Variants in ESYT1 observed in about 807,000 individuals in gnomAD.
ESYT1 encodes the protein extended synaptotagmin-1.
Under a neutral mutation model 154.2 loss-of-function variants are expected in ESYT1, and 116 were observed. That is an observed-to-expected ratio of 0.75 (90% CI 0.65 to 0.88). The LOEUF is 0.88. Ranked by LOEUF, ESYT1 falls within the 40% of genes least tolerant of loss-of-function variation. The pLI is 0.00. For synonymous variants in ESYT1, 500 were observed against 539.9 expected (o/e 0.93, Z 1.02); for missense variants, 1,264 against 1,379.3 (o/e 0.92, Z 1.32).
chr12:56,133,984 A>G, intron 13 of ESYT1, 111 bp downstream of exon 13: 1 of 1,527,766 alleles, frequency 6.5e-7, no homozygotes, highest in Non-Finnish European at 9.1e-7. Context: ...AGCATGTAAC[A>G]TAAGGGTCCC....
chr12:56,135,437 G>A (rs951691260), intron 15 of ESYT1, among the ~76,000 whole-genome samples: 20 of 151,472 alleles, frequency 1.3e-4, no homozygotes, highest in African/African-American at 4.6e-4. Context: ...CTCCCAAAGT[G>A]CTTGGATTAC....
chr12:56,136,705 C>T, intron 15 of ESYT1, 39 bp from the exon 16 acceptor site: 1 of 1,543,194 alleles, frequency 6.5e-7, no homozygotes, highest in Non-Finnish European at 8.8e-7. Context: ...TCCCTTTCCC[C>T]TAATCCCTTC....
At position 56,137,897 on chromosome 12, in the gene ESYT1, G is replaced by C; in HGVS notation, c.2181G>C (p.Lys727Asn). The part of the protein sequence containing the change: ...EVEVFDKDLD[K>N]DDFLGRCKVR... The stretch of plus-strand genomic sequence containing the variant: ...AAGTCTTTGACAAGGACTTGGACAA[G>C]GATGATTTTCTGGGCAGGTGAGAGC... The change falls in exon 19 of 31, where the codon AAG becomes AAC. Residue 727 changes from lysine (K) to asparagine (N), a missense_variant. Physicochemically the swap from Lys to Asn is moderately conservative, Grantham distance 94. Transcript: ENST00000394048. 6.2e-7 allele frequency: 1 copy of C among 1,614,222 alleles called. No individual in the cohort carries two copies. Among genetic ancestry groups the C allele is most frequent in the Non-Finnish European group, 8.5e-7 (1 of 1,180,044 alleles).
At position 56,131,035 on chromosome 12, in the gene ESYT1, C is replaced by T. The variant is rs556104750; in HGVS notation, c.568-5C>T. Reference sequence around the variant, plus strand: ...GCCCTCTCTCAGGAATTTCTCTCTCCCTAGCCATTGCGCATCATTGGAGTC... The same window carrying T: ...GCCCTCTCTCAGGAATTTCTCTCTCTCTAGCCATTGCGCATCATTGGAGTC... On this transcript the variant is annotated splice_polypyrimidine_tract_variant and splice_region_variant and intron_variant, in intron 3 of 30. Coordinates refer to ENST00000394048, the MANE Select transcript of ESYT1 (RefSeq NM_015292.3). 75 of 1,614,018 alleles carry T rather than the reference C, an allele frequency of 4.6e-5. No homozygotes were observed. The highest frequency in any genetic ancestry group is 9.9e-5 in the South Asian group (9 of 91,088).
At position 56,131,052 on chromosome 12, in the gene ESYT1, A is replaced by G. The variant is rs1369123779; in HGVS notation, c.580A>G (p.Ile194Val). 1 of 1,614,132 alleles carries G rather than the reference A, an allele frequency of 6.2e-7. No individual in the cohort carries two copies. The highest frequency in any genetic ancestry group is 2.2e-5 in the East Asian group (1 of 44,880). The stretch of plus-strand genomic sequence containing the variant: ...TCTCTCTCCCTAGCCATTGCGCATC[A>G]TTGGAGTCAAGGTTCACCCAGGTCA... ...VELGEKPLRI[I>V]GVKVHPGQRK... The change falls in exon 4 of 31, where the codon ATT becomes GTT. Residue 194 changes from isoleucine to valine, a missense_variant. By Grantham distance (29) the Ile-to-Val change is conservative. Transcript: ENST00000394048.
chr12:56,137,837 C>G lies in ESYT1; in HGVS notation c.2121C>G (p.Ile707Met), dbSNP rs35807059. The G allele has an allele frequency of 6.2e-7, 1 of 1,614,080 alleles. No individual in the cohort carries two copies. Among genetic ancestry groups the G allele is most frequent in the African/African-American group, 1.3e-5 (1 of 75,008 alleles). The stretch of plus-strand genomic sequence containing the variant: ...GCACTATTTTCTCCCACTAGGTGAT[C>G]GTCACATCAGTTCCAGGCCAAGAGC... ...NPRWNEVFEV[I>M]VTSVPGQELE... The change falls in exon 19 of 31, where the codon ATC (isoleucine) becomes ATG (methionine). Residue 707 changes from isoleucine (I) to methionine (M), a missense_variant. Transcript: ENST00000394048.
chr12:56,135,199 G>C (rs569824449), intron 15 of ESYT1, among the ~76,000 whole-genome samples: 1 of 148,740 alleles, frequency 6.7e-6, no homozygotes, highest in African/African-American at 2.5e-5. Context: ...AGACAGTTTC[G>C]CTTTTGTTGC....
intron 1 of ESYT1, among the ~76,000 whole-genome samples, chr12:56,129,893 G>A (rs1870160602): frequency 6.6e-6 from 1 of 151,808 alleles, no homozygotes; most frequent in Non-Finnish European, 1.5e-5. Context: ...CGTCTGAGGG[G>A]AGTTGAGAAG....
chr12:56,130,673 G>C lies in ESYT1; in HGVS notation c.432+50G>C, dbSNP rs1389526975. On this transcript the variant is annotated intron_variant, in intron 2 of 30. Coordinates refer to ENST00000394048, the MANE Select transcript of ESYT1 (RefSeq NM_015292.3). Reference sequence around the variant, plus strand: ...CTTCATGAGGGGAGAATGGGAATTTGTTTCTTCTTGCCAGACCCATCCTCA... The same window carrying C: ...CTTCATGAGGGGAGAATGGGAATTTCTTTCTTCTTGCCAGACCCATCCTCA... 3 of 1,613,754 alleles carry C rather than the reference G, an allele frequency of 1.9e-6. No homozygotes were observed. The Admixed American group carries it at 5.0e-5, about 27-fold the overall frequency.
At chr12:56,138,686 C>A in intron 22 of ESYT1, 82 bp from the exon 23 acceptor site, 2 of 1,421,406 alleles carry the variant, frequency 1.4e-6, no homozygotes, top group Non-Finnish European at 2.0e-6. Flanking sequence ...GGAGACATGG[C>A]TGCTGGCTGT....
intron 9 of ESYT1, 21 bp from the exon 10 acceptor site, chr12:56,132,698 T>G (rs1565873404): frequency 3.7e-6 from 6 of 1,613,870 alleles, no homozygotes; most frequent in African/African-American, 1.3e-5. Context: ...CATGAGACAC[T>G]CAGCCTTCTG....
intron 1 of ESYT1, among the ~76,000 whole-genome samples, chr12:56,129,928 T>G (rs1012688669): frequency 8.6e-5 from 13 of 152,046 alleles, no homozygotes; most frequent in African/African-American, 1.2e-4. Context: ...CTTTTTTTTT[T>G]TTCTTTTTTG....
In ESYT1 at chr12:56,128,446, G is replaced by T. The variant is rs779590263; in HGVS notation, c.127G>T (p.Ala43Ser). The T allele has an allele frequency of 1.9e-6, 3 of 1,612,692 alleles. No homozygotes were observed. Residue 43 changes from alanine (A) to serine (S), a missense_variant, in exon 1 of 31, where the codon GCT becomes TCT. Transcript: ENST00000394048. Reference protein sequence around the residue: ...KPDPGSGGQPAGPGAAGEALA... With the variant: ...KPDPGSGGQPSGPGAAGEALA... ...AGACCCAGGTTCTGGGGGCCAACCT[G>T]CTGGCCCTGGCGCGGCGGGTGAGGC... is the stretch of plus-strand genomic sequence containing the variant.
At chr12:56,138,096 A>G (rs1035049014) in intron 20 of ESYT1, 22 bp downstream of exon 20, 4 of 1,613,986 alleles carry the variant, frequency 2.5e-6, no homozygotes, top group Admixed American at 1.7e-5. Context: ...ATTAGAGTCA[A>G]CAACCCCTCC....
At position 56,138,399 on chromosome 12, in the gene ESYT1, C is replaced by A. The variant is rs749673170; in HGVS notation, c.2338-5C>A. ...CACTCCCCAGCCCCGTGTGCCCCTCCACAGGTGCTGCAGGTGAATAGTTTG... is the reference window on the plus strand; with the variant it reads ...CACTCCCCAGCCCCGTGTGCCCCTCAACAGGTGCTGCAGGTGAATAGTTTG... On this transcript the variant is annotated splice_region_variant and splice_polypyrimidine_tract_variant and intron_variant, in intron 21 of 30. Transcript: ENST00000394048. 6.2e-7 allele frequency: 1 copy of A among 1,613,580 alleles called. No individual in the cohort carries two copies. The highest frequency in any genetic ancestry group is 8.5e-7 in the Non-Finnish European group (1 of 1,179,752).
chr12:56,128,465 G>C lies in ESYT1; in HGVS notation c.146G>C (p.Gly49Ala). 1 of 1,611,358 alleles carries C rather than the reference G, an allele frequency of 6.2e-7. No homozygotes were observed. The highest frequency in any genetic ancestry group is 1.1e-5 in the South Asian group (1 of 90,810). ...GGQPAGPGAA[G>A]EALAVLTSFG... ...CAACCTGCTGGCCCTGGCGCGGCGGGTGAGGCCCTGGCGGTGCTGACTTCA... is the reference window on the plus strand; with the variant it reads ...CAACCTGCTGGCCCTGGCGCGGCGGCTGAGGCCCTGGCGGTGCTGACTTCA... Residue 49 changes from glycine (G) to alanine (A), a missense_variant, in exon 1 of 31, where the codon GGT becomes GCT. By Grantham distance (60) the Gly-to-Ala change is moderately conservative. Transcript: ENST00000394048.
chr12:56,136,649 A>G, intron 15 of ESYT1, 95 bp from the exon 16 acceptor site: 1 of 1,184,168 alleles, frequency 8.4e-7, no homozygotes, highest in Non-Finnish European at 1.2e-6. Flanking sequence ...TGATTGGTAC[A>G]GAGAGGAATG....
At chr12:56,138,877 A>G (rs751897993) in intron 23 of ESYT1, 38 bp downstream of exon 23, 1 of 1,611,366 alleles carries the variant, frequency 6.2e-7, no homozygotes, top group Non-Finnish European at 8.5e-7. Context: ...TGGGAGGGAT[A>G]AGAGAAATAA....
Position 56,143,646 on chromosome 12 carries a change from G to T in ESYT1, c.3275+17G>T. 5 of 1,613,776 alleles carry T rather than the reference G, an allele frequency of 3.1e-6. No homozygotes were observed. The highest frequency in any genetic ancestry group is 4.2e-6 in the Non-Finnish European group (5 of 1,179,922). On this transcript the variant is annotated intron_variant, in intron 30 of 30. Coordinates refer to ENST00000394048, the MANE Select transcript of ESYT1 (RefSeq NM_015292.3). ...AGCCCGGTGGTGAGTGTCTGCGTGGGTGGGGGATGGTCTGGATATTTCAGT... is the reference window on the plus strand; with the variant it reads ...AGCCCGGTGGTGAGTGTCTGCGTGGTTGGGGGATGGTCTGGATATTTCAGT...
Sources: allele counts gnomAD v4.1 joint callset (sites outside exome capture counted in the v4.1 genomes callset), GRCh38; gene constraint gnomAD v4.1.1; transcripts MANE v1.5; gene names NCBI Gene and HGNC (gene_info 2026-07-23, HGNC 2026-07-21).